Variants in LRFN1 observed in about 807,000 individuals in gnomAD.
LRFN1 encodes leucine-rich repeat and fibronectin type III domain-containing protein 1.
Under a neutral mutation model 31.8 loss-of-function variants are expected in LRFN1, and 20 were observed. That is an observed-to-expected ratio of 0.63 (90% confidence interval 0.44 to 0.91). LRFN1 has a LOEUF of 0.91. Among genes scored for constraint, LRFN1 ranks in the 40% least tolerant of loss-of-function variants. The pLI is 0.00. For missense variants in LRFN1, 912 were observed against 1,129.8 expected, an observed-to-expected ratio of 0.81 and a Z score of 2.76; for synonymous variants, 514 against 541.3, an observed-to-expected ratio of 0.95 and a Z score of 0.70.
At position 39,314,884 on chromosome 19, in the gene LRFN1, C is replaced by A. The variant is rs1418432564; in HGVS notation, c.453G>T (p.Arg151=). 6.2e-7 allele frequency: 1 copy of A among 1,609,754 alleles called. No homozygotes were observed. Among genetic ancestry groups the A allele is most frequent in the South Asian group, 1.1e-5 (1 of 90,454 alleles). The part of the protein sequence containing the change: ...HLILGNNQIR[R]VESAAFDAFL... ...AGGCGTCAAAGGCCGCCGACTCCAC[C>A]CGGCGGATCTGGTTGTTTCCAAGGA... Residue 151 remains arginine (R), a synonymous_variant, in exon 4 of 5, where the codon CGG becomes CGT. Coordinates refer to ENST00000248668, the MANE Select transcript of LRFN1 (RefSeq NM_020862.2).
chr19:39,313,826 A>G, intron 4 of LRFN1, 105 bp downstream of exon 4: 3 of 1,072,006 alleles, frequency 2.8e-6, no homozygotes, highest in South Asian at 1.5e-5. Context: ...TCTCACAGCC[A>G]TCTAGAACCC....
chr19:39,315,157 C>A lies in LRFN1; in HGVS notation c.180G>T (p.Pro60=), dbSNP rs770405804. 76 of 1,590,302 alleles carry A rather than the reference C, an allele frequency of 4.8e-5. No homozygotes were observed. The highest frequency in any genetic ancestry group is 6.3e-5 in the Non-Finnish European group (74 of 1,175,318). Residue 60 remains proline, a synonymous_variant, in exon 4 of 5, where the codon CCG becomes CCT. Coordinates refer to ENST00000248668, the MANE Select transcript of LRFN1 (RefSeq NM_020862.2). This position sits in a 1 kb window ranked among gnomAD's most constrained non-coding sequence, Gnocchi z 4.7. ...LCAKTGLLFV[P]PAIDRRVVEL... Reference sequence around the variant, plus strand: ...CCACCACGCGCCGGTCGATGGCGGGCGGCACAAAGAGCAAGCCGGTCTTGG... The same window carrying A: ...CCACCACGCGCCGGTCGATGGCGGGAGGCACAAAGAGCAAGCCGGTCTTGG...
chr19:39,320,661 A>C (rs2075185821), intron 1 of LRFN1, 132 bp downstream of exon 1: 2 of 151,064 alleles, frequency 1.3e-5, no homozygotes, highest in Admixed American at 1.3e-4. Context: ...CCGGGCACAC[A>C]TAGGGCCGCG....
chr19:39,315,045 G>A lies in LRFN1; in HGVS notation c.292C>T (p.Arg98Trp), dbSNP rs374539295. Residue 98 changes from arginine (R) to tryptophan (W), a missense_variant, in exon 4 of 5, where the codon CGG becomes TGG. By Grantham distance (101) the Arg-to-Trp change is moderately radical (BLOSUM62 -3). This residue lies in a region of LRFN1 where 401 missense variants were observed against 572.7 expected (regional missense o/e 0.70). Coordinates refer to ENST00000248668, the MANE Select transcript of LRFN1 (RefSeq NM_020862.2). The surrounding 1 kb of genome is among the most constrained non-coding windows in gnomAD (Gnocchi z 4.7). ...GCTGCCACCTGGCCGATGGTGTTCCGGGAGAGAGTGAGGTGCACCAGGCTG... is the reference window on the plus strand; with the variant it reads ...GCTGCCACCTGGCCGATGGTGTTCCAGGAGAGAGTGAGGTGCACCAGGCTG... ...MTSLVHLTLS[R>W]NTIGQVAAGA... 4 of 1,595,412 alleles carry A rather than the reference G, an allele frequency of 2.5e-6. No individual in the cohort carries two copies. Among genetic ancestry groups the A allele is most frequent in the Admixed American group, 1.7e-5 (1 of 59,442 alleles).
intron 1 of LRFN1, among the ~76,000 whole-genome samples, chr19:39,320,445 TG>T (rs997443971): frequency 6.6e-6 from 1 of 151,102 alleles, no homozygotes; most frequent in Non-Finnish European, 1.5e-5. Context: ...CACATGGGCT[TG>T]GGGGGGACCC....
intron 4 of LRFN1, among the ~76,000 whole-genome samples, chr19:39,312,905 A>C (rs2075155873): frequency 6.6e-6 from 1 of 151,700 alleles, no homozygotes; most frequent in South Asian, 2.1e-4. Flanking sequence ...CTACTGGGCT[A>C]TAAGCTCCCT....
intron 4 of LRFN1, among the ~76,000 whole-genome samples, chr19:39,309,911 C>T (rs138036715): frequency 6.6e-6 from 1 of 152,318 alleles, no homozygotes; most frequent in East Asian, 1.9e-4. Flanking sequence ...TTGAGTCTCT[C>T]CTCTGCCACT....
chr19:39,313,801 G>T, intron 4 of LRFN1, 130 bp downstream of exon 4: 1 of 782,932 alleles, frequency 1.3e-6, no homozygotes, highest in Non-Finnish European at 2.0e-6. Flanking sequence ...CAGGGCAAAG[G>T]AGGGCGGGAA....
intron 4 of LRFN1, among the ~76,000 whole-genome samples, chr19:39,313,712 G>A (rs1221460192): frequency 6.6e-6 from 1 of 152,188 alleles, no homozygotes; most frequent in African/African-American, 2.4e-5. Flanking sequence ...GCCCAGCCCT[G>A]GTCGGGTTCA....
chr19:39,310,916 C>T (rs1331223852), intron 4 of LRFN1, among the ~76,000 whole-genome samples: 1 of 152,156 alleles, frequency 6.6e-6, no homozygotes, highest in African/African-American at 2.4e-5. Context: ...AAGGTCCACC[C>T]ACTTCTCCAA....
At chr19:39,309,458 G>A (rs2075142820) in intron 4 of LRFN1, among the ~76,000 whole-genome samples, 1 of 90,052 alleles carries the variant, frequency 1.1e-5, no homozygotes, top group Non-Finnish European at 1.7e-5. Context: ...CCGAGACTCT[G>A]TCTCAAAAAA....
chr19:39,307,935 T>G lies in LRFN1; in HGVS notation c.2014A>C (p.Ser672Arg), dbSNP rs2075135491. 1 of 1,560,500 alleles carries G rather than the reference T, an allele frequency of 6.4e-7. No homozygotes were observed. Among genetic ancestry groups the G allele is most frequent in the African/African-American group, 1.4e-5 (1 of 72,624 alleles). ...ESRAAVGPRRSRSGALEPPTS... is the reference protein window; with the variant it reads ...ESRAAVGPRRRRSGALEPPTS... ...GGTGGCTCCAGGGCGCCGGATCGGCTCCTTCGAGGGCCCACCGCGGCCCGA... is the reference window on the plus strand; with the variant it reads ...GGTGGCTCCAGGGCGCCGGATCGGCGCCTTCGAGGGCCCACCGCGGCCCGA... The change falls in exon 5 of 5, where the codon AGC becomes CGC. Residue 672 changes from serine to arginine, a missense_variant. Transcript: ENST00000248668. The surrounding 1 kb of genome is among the most constrained non-coding windows in gnomAD (Gnocchi z 6.7).
rs2075172767 is a variant in LRFN1 at position 39,316,583 on chromosome 19, C to G, written c.-92-447G>C. 2.6e-5 allele frequency among the ~76,000 whole-genome samples: 4 copies of G among 152,130 alleles called. No homozygotes were observed. The South Asian group carries it at 8.3e-4, about 32-fold the overall frequency. On this transcript the variant is annotated intron_variant, in intron 2 of 4. Transcript: ENST00000248668. ...GTGGGAGGGACTGAGGAAAACACAT[C>G]AGAGTCTTCCAGTTCAGCCTCAGGA...
At chr19:39,310,027 G>A (rs574663463) in intron 4 of LRFN1, among the ~76,000 whole-genome samples, 140 of 152,266 alleles carry the variant, frequency 9.2e-4, no homozygotes, top group Non-Finnish European at 1.5e-3. Flanking sequence ...ACGCGATCTC[G>A]GCTCACTGCA....
intron 2 of LRFN1, among the ~76,000 whole-genome samples, chr19:39,318,072 C>T (rs2075177136): frequency 6.6e-6 from 1 of 152,148 alleles, no homozygotes; most frequent in African/African-American, 2.4e-5. Context: ...GAATGAATGT[C>T]TCTTGGCCTG....
intron 4 of LRFN1, among the ~76,000 whole-genome samples, chr19:39,312,522 G>T (rs2075154112): frequency 1.3e-5 from 2 of 152,162 alleles, no homozygotes; most frequent in African/African-American, 4.8e-5. Flanking sequence ...ACCAAGATGG[G>T]CCAGGTGCAG....
chr19:39,314,061 G>T lies in LRFN1; in HGVS notation c.1276C>A (p.Arg426Ser). The T allele has an allele frequency of 6.2e-7, 1 of 1,612,142 alleles. No homozygotes were observed. Among genetic ancestry groups the T allele is most frequent in the Non-Finnish European group, 8.5e-7 (1 of 1,179,724 alleles). ...RPGANDSAAE[R>S]RLVAAELTSN... Reference sequence around the variant, plus strand: ...GTGAGCTCGGCTGCCACGAGCCGACGCTCAGCCGCAGAATCGTTGGCACCT... The same window carrying T: ...GTGAGCTCGGCTGCCACGAGCCGACTCTCAGCCGCAGAATCGTTGGCACCT... Residue 426 changes from arginine to serine, a missense_variant, in exon 4 of 5, where the codon CGT (arginine) becomes AGT (serine). Around this residue, in one of 2 missense-constraint regions of LRFN1, gnomAD observed 511 missense variants for 557.0 expected, o/e 0.92. Coordinates refer to ENST00000248668, the MANE Select transcript of LRFN1 (RefSeq NM_020862.2).
chr19:39,310,715 C>A (rs746410948), intron 4 of LRFN1, among the ~76,000 whole-genome samples: 3 of 152,140 alleles, frequency 2.0e-5, no homozygotes. Context: ...ACAAGCTCCA[C>A]CCCCTCTGAC....
Position 39,309,478 on chromosome 19 carries a change from C to CAAAAAAAAAAAAAAAAA in LRFN1, c.1407-953_1407-937dup, listed in dbSNP as rs71169583. Among the ~76,000 whole-genome samples, 14 of 32,000 alleles carry CAAAAAAAAAAAAAAAAA rather than the reference C, an allele frequency of 4.4e-4. 1 individual carries two copies. Among genetic ancestry groups the CAAAAAAAAAAAAAAAAA allele is most frequent in the African/African-American group, 1.8e-3 (12 of 6,828 alleles). 21.0% of individuals were successfully genotyped at this position (32,000 alleles called of 152,430 possible). On this transcript the variant is annotated intron_variant, in intron 4 of 4. Coordinates refer to ENST00000248668, the MANE Select transcript of LRFN1 (RefSeq NM_020862.2). ...ACTCTGTCTCAAAAAACAAACAAAC[C>CAAAAAAAAAAAAAAAAA]AAAAAAAAAAAAAAAAAAAAAAAAA...
Sources: gnomAD v4.1 joint callset for allele counts (sites outside exome capture counted in the v4.1 genomes callset) on GRCh38, gnomAD v4.1.1 for gene constraint, gnomAD v4.1.1 regional missense constraint, Gnocchi (gnomAD v3.1) non-coding constraint, MANE v1.5 for transcripts, NCBI Gene and HGNC (gene_info 2026-07-23, HGNC 2026-07-21) for gene names.